KMT5A: variants seen among roughly 807,000 people sequenced by gnomAD.
KMT5A encodes the protein N-lysine methyltransferase KMT5A.
A neutral mutation model predicts 40.6 loss-of-function variants in KMT5A; 6 were observed. That is an observed-to-expected ratio of 0.15 (90% CI 0.08 to 0.29). The LOEUF (loss-of-function observed/expected upper bound fraction) is 0.29, where lower values mean the gene tolerates loss of function less well. Ranked by LOEUF, KMT5A falls within the 10% of genes least tolerant of loss-of-function variation. The pLI is 1.00. For synonymous variants in KMT5A, 153 were observed against 178.8 expected, an observed-to-expected ratio of 0.86 and a Z score of 1.15; for missense variants, 308 against 459.1, an observed-to-expected ratio of 0.67 and a Z score of 3.01.
intron 5 of KMT5A, among the ~76,000 whole-genome samples, chr12:123,402,864 C>T (rs1055218825): frequency 1.4e-4 from 21 of 152,168 alleles, no homozygotes; most frequent in African/African-American, 3.9e-4. Flanking sequence ...ATGTGGACTG[C>T]GTGTGTCCCA....
intron 7 of KMT5A, 65 bp downstream of exon 7, chr12:123,405,139 C>T: frequency 7.0e-7 from 1 of 1,438,824 alleles, no homozygotes; most frequent in African/African-American, 1.4e-5. Context: ...GCCAAAGGGC[C>T]AGGAACTCCT....
chr12:123,399,880 A>G (rs543551870), intron 5 of KMT5A, among the ~76,000 whole-genome samples: 8 of 151,956 alleles, frequency 5.3e-5, no homozygotes, highest in South Asian at 2.1e-4. Flanking sequence ...CTGGAGTGCA[A>G]TGGCGCGATC....
At chr12:123,407,267 A>C (rs1878623185) in intron 7 of KMT5A, among the ~76,000 whole-genome samples, 1 of 151,714 alleles carries the variant, frequency 6.6e-6, no homozygotes, top group Non-Finnish European at 1.5e-5. Flanking sequence ...TGAGCCCGGG[A>C]GGTGGAGGCT....
At chr12:123,397,399 C>T (rs1877810734) in intron 5 of KMT5A, among the ~76,000 whole-genome samples, 1 of 152,172 alleles carries the variant, frequency 6.6e-6, no homozygotes, top group Admixed American at 6.6e-5. Flanking sequence ...GTGGGGACCC[C>T]GGCTTTGGCA....
Position 123,389,458 on chromosome 12 carries a change from G to A in KMT5A, c.36G>A (p.Ala12=), listed in dbSNP as rs1169763208. ...GCAGGAAGATGTCCAAGCCCCGCGC[G>A]GTGGAGGCGGCGGCGGCGGCGGCGG... ...ARGRKMSKPR[A]VEAAAAAAAV... is the part of the protein sequence containing the mutation. Residue 12 remains alanine, a synonymous_variant, in exon 2 of 8, where the codon GCG becomes GCA. Coordinates refer to ENST00000402868, the MANE Select transcript of KMT5A (RefSeq NM_020382.7). 9 of 1,101,028 alleles carry A rather than the reference G, an allele frequency of 8.2e-6. No individual in the cohort carries two copies. Among genetic ancestry groups the A allele is most frequent in the Non-Finnish European group, 9.9e-6 (9 of 909,940 alleles). 68.2% of individuals were successfully genotyped at this position (1,101,028 alleles called of 1,614,324 possible).
chr12:123,401,025 C>A (rs1005006549), intron 5 of KMT5A, among the ~76,000 whole-genome samples: 2 of 151,632 alleles, frequency 1.3e-5, no homozygotes, highest in Non-Finnish European at 2.9e-5. Flanking sequence ...GAACTCCTGA[C>A]CTCAGGTGAT....
intron 7 of KMT5A, among the ~76,000 whole-genome samples, chr12:123,406,740 T>A (rs913205515): frequency 1.3e-5 from 2 of 151,990 alleles, no homozygotes; most frequent in Admixed American, 1.3e-4. Flanking sequence ...AAAAATAGCT[T>A]TGTGGGCCAG....
intron 7 of KMT5A, among the ~76,000 whole-genome samples, chr12:123,406,515 T>C (rs1878568049): frequency 6.6e-6 from 1 of 152,120 alleles, no homozygotes; most frequent in African/African-American, 2.4e-5. Flanking sequence ...CGTTTCACCA[T>C]GGTGGCCAGG....
At position 123,390,622 on chromosome 12, in the gene KMT5A, C is replaced by T. The variant is rs780847080; in HGVS notation, c.133-8C>T. Reference sequence around the variant, plus strand: ...AGCCTCTTTCAGAATATGCTTTTGTCTTTTTAGGAGAACGTATTTACCGGG... The same window carrying T: ...AGCCTCTTTCAGAATATGCTTTTGTTTTTTTAGGAGAACGTATTTACCGGG... On this transcript the variant is annotated splice_polypyrimidine_tract_variant and splice_region_variant and intron_variant, in intron 2 of 7. Transcript: ENST00000402868. The T allele has an allele frequency of 3.7e-6, 6 of 1,613,126 alleles. No individual in the cohort carries two copies. Among genetic ancestry groups the T allele is most frequent in the Non-Finnish European group, 5.1e-6 (6 of 1,179,616 alleles).
intron 1 of KMT5A, chr12:123,388,887 CG>C (rs1877033203): frequency 6.8e-6 from 1 of 147,074 alleles, no homozygotes; most frequent in Non-Finnish European, 1.5e-5. Flanking sequence ...CCCTCCGGAG[CG>C]GCCTGGCGGC....
At chr12:123,397,824 G>A (rs368344064) in intron 5 of KMT5A, among the ~76,000 whole-genome samples, 5 of 113,994 alleles carry the variant, frequency 4.4e-5, no homozygotes, top group African/African-American at 6.9e-5. Context: ...TCGCCACCAC[G>A]CCCAGCTAAT....
chr12:123,396,215 G>T (rs762736496), intron 4 of KMT5A, 130 bp from the exon 5 acceptor site: 17 of 794,640 alleles, frequency 2.1e-5, no homozygotes, highest in Non-Finnish European at 3.2e-5. Flanking sequence ...AGGCTCCAGT[G>T]GACAAAGGTG....
chr12:123,397,980 T>A (rs1338837839), intron 5 of KMT5A, among the ~76,000 whole-genome samples: 1 of 149,452 alleles, frequency 6.7e-6, no homozygotes, highest in East Asian at 2.1e-4. Flanking sequence ...GCCTGCTAGG[T>A]CACTCTTAAA....
chr12:123,388,987 G>A (rs1877046919), intron 1 of KMT5A: 1 of 143,506 alleles, frequency 7.0e-6, no homozygotes, highest in Non-Finnish European at 1.5e-5. Flanking sequence ...CGCGCCGCCT[G>A]CGCCTCCTTC....
chr12:123,405,355 G>C (rs185347873), intron 7 of KMT5A, among the ~76,000 whole-genome samples: 1 of 151,102 alleles, frequency 6.6e-6, no homozygotes, highest in African/African-American at 2.4e-5. Flanking sequence ...ATTTTTAGTA[G>C]AGGTGGAGTT....
rs368599203 is a variant in KMT5A, at chr12:123,403,562, T to C, written c.598-11T>C. 3 of 1,613,982 alleles carry C rather than the reference T, an allele frequency of 1.9e-6. No individual in the cohort carries two copies. Among genetic ancestry groups the C allele is most frequent in the African/African-American group, 1.3e-5 (1 of 74,928 alleles). ...AAGATACTGATGCTGTTTTTCTTTC[T>C]CTCTGCCCAGTCTGAAGAAAGGAAA... On this transcript the variant is annotated splice_polypyrimidine_tract_variant and intron_variant, in intron 5 of 7. Transcript: ENST00000402868.
chr12:123,392,470 C>CTCA (rs1274072570), intron 3 of KMT5A, among the ~76,000 whole-genome samples: 10 of 152,110 alleles, frequency 6.6e-5, no homozygotes, highest in African/African-American at 2.4e-4. Flanking sequence ...CCAGCCTGGG[C>CTCA]AACATAGTGA....
chr12:123,394,865 G>C (rs2139175837), intron 3 of KMT5A, among the ~76,000 whole-genome samples, 182 bp from the exon 4 acceptor site: 1 of 152,250 alleles, frequency 6.6e-6, no homozygotes, highest in Non-Finnish European at 1.5e-5. Flanking sequence ...AAATCGAGCT[G>C]GAGCTAGGCA....
At chr12:123,388,045 A>G (rs1291518901) in intron 1 of KMT5A, among the ~76,000 whole-genome samples, 1 of 152,236 alleles carries the variant, frequency 6.6e-6, no homozygotes, top group Non-Finnish European at 1.5e-5. Context: ...CTTAATGGCC[A>G]CAGAGTAGTG....
Sources: allele counts gnomAD v4.1 joint callset (sites outside exome capture counted in the v4.1 genomes callset), GRCh38; gene constraint gnomAD v4.1.1; transcripts MANE v1.5; gene names NCBI Gene and HGNC (gene_info 2026-07-23, HGNC 2026-07-21).